Variants in COLEC10 observed in about 807,000 individuals in gnomAD.
COLEC10 encodes collectin subfamily member 10.
Under a neutral mutation model 28.4 loss-of-function variants are expected in COLEC10, and 22 were observed. That is an observed-to-expected ratio of 0.78 (90% CI 0.55 to 1.11). The LOEUF (loss-of-function observed/expected upper bound fraction) is 1.11. Among genes scored for constraint, COLEC10 ranks in the 50% least tolerant of loss-of-function variants. COLEC10 has a pLI of 0.00. For missense variants in COLEC10, 361 were observed against 344.1 expected, an observed-to-expected ratio of 1.05 and a Z score of -0.39; for synonymous variants, 125 against 116.1, an observed-to-expected ratio of 1.08 and a Z score of -0.49.
intron 4 of COLEC10, among the ~76,000 whole-genome samples, chr8:119,103,408 A>G (rs1022614728): frequency 6.6e-6 from 1 of 152,198 alleles, no homozygotes; most frequent in Non-Finnish European, 1.5e-5. Flanking sequence ...TAATGCAATA[A>G]CACAAGAGAA....
chr8:119,039,565 A>G (rs1285719558), intron 2 of COLEC10, among the ~76,000 whole-genome samples: 1 of 152,198 alleles, frequency 6.6e-6, no homozygotes, highest in Admixed American at 6.5e-5. Flanking sequence ...GTGGAATGGT[A>G]TTAGTTTCTT....
chr8:119,000,911 C>G (rs1813684961), intron 1 of COLEC10, among the ~76,000 whole-genome samples: 1 of 139,614 alleles, frequency 7.2e-6, no homozygotes, highest in Non-Finnish European at 1.5e-5. Flanking sequence ...ATGATAAAGT[C>G]AACCATAAAT....
the COLEC10 span, among the ~76,000 whole-genome samples, chr8:118,977,193 G>A: frequency 2.8e-5 from 4 of 144,214 alleles, no homozygotes; most frequent in East Asian, 2.2e-4. Flanking sequence ...TCAGTGTGGC[G>A]ATTCCTCAGG....
chr8:118,963,218 A>G, the COLEC10 span, among the ~76,000 whole-genome samples: 3 of 152,364 alleles, frequency 2.0e-5, no homozygotes, highest in East Asian at 5.8e-4. Flanking sequence ...TAGAATATCC[A>G]TTAAGTTTAG....
chr8:118,953,041 A>C, the COLEC10 span, among the ~76,000 whole-genome samples: 2 of 152,232 alleles, frequency 1.3e-5, no homozygotes, highest in African/African-American at 4.8e-5. Flanking sequence ...AGGAAGGTGA[A>C]GAATCAGGAG....
At chr8:119,049,328 C>T (rs1050285495) in intron 2 of COLEC10, among the ~76,000 whole-genome samples, 1 of 149,990 alleles carries the variant, frequency 6.7e-6, no homozygotes, top group African/African-American at 2.5e-5. Flanking sequence ...TGTATTACCA[C>T]TAGGGATTAG....
upstream of COLEC10, among the ~76,000 whole-genome samples, chr8:118,994,675 C>T (rs1022237566): frequency 1.3e-5 from 2 of 152,132 alleles, no homozygotes; most frequent in African/African-American, 4.8e-5. Context: ...CTTGTTGATG[C>T]TACTTTTTGC....
chr8:119,064,721 C>T (rs1245831163), upstream of COLEC10, among the ~76,000 whole-genome samples: 2 of 152,084 alleles, frequency 1.3e-5, no homozygotes, highest in African/African-American at 4.8e-5. Flanking sequence ...AATGCATCCT[C>T]AATGCTTGAG....
At chr8:119,081,056 C>T (rs1180482532) in intron 1 of COLEC10, among the ~76,000 whole-genome samples, 1 of 149,622 alleles carries the variant, frequency 6.7e-6, no homozygotes, top group Non-Finnish European at 1.5e-5. Context: ...GTTTTTGCCA[C>T]TACAAACATT....
At chr8:119,102,979 C>T (rs1234101322) in intron 4 of COLEC10, among the ~76,000 whole-genome samples, 3 of 152,040 alleles carry the variant, frequency 2.0e-5, no homozygotes, top group African/African-American at 7.2e-5. Flanking sequence ...CTTCATATTT[C>T]ATATGAATAT....
the COLEC10 span, among the ~76,000 whole-genome samples, chr8:118,958,181 G>A: frequency 2.8e-4 from 43 of 152,126 alleles, no homozygotes; most frequent in Non-Finnish European, 4.9e-4. Flanking sequence ...TTTCATCACC[G>A]CAGTTTCTTC....
intron 2 of COLEC10, among the ~76,000 whole-genome samples, chr8:119,090,357 G>A (rs374132805): frequency 1.1e-4 from 17 of 152,130 alleles, no homozygotes; most frequent in African/African-American, 4.1e-4. Context: ...ATAACTTCTA[G>A]GTTGTGATGT....
At chr8:118,998,411 G>A (rs1204412216) in intron 1 of COLEC10, among the ~76,000 whole-genome samples, 5 of 152,068 alleles carry the variant, frequency 3.3e-5, no homozygotes, top group Non-Finnish European at 7.4e-5. Context: ...ATGTATGGTA[G>A]AGCCATGAAA....
chr8:118,982,614 TG>T, the COLEC10 span: 1 of 195,236 alleles, frequency 5.1e-6, no homozygotes, highest in Admixed American at 4.8e-5. Context: ...ATAGTTAGGC[TG>T]GACTATGGGA....
intron 2 of COLEC10, among the ~76,000 whole-genome samples, chr8:119,010,348 T>A (rs957703574): frequency 6.6e-6 from 1 of 151,000 alleles, no homozygotes; most frequent in Non-Finnish European, 1.5e-5. Flanking sequence ...GATAGCTAAT[T>A]TTTTGGCACA....
At chr8:118,989,370 G>T in the COLEC10 span, among the ~76,000 whole-genome samples, 1 of 152,032 alleles carries the variant, frequency 6.6e-6, no homozygotes, top group South Asian at 2.1e-4. Context: ...AATATCAAAA[G>T]GTGTAATGCC....
At chr8:118,954,074 C>A in the COLEC10 span, among the ~76,000 whole-genome samples, 1 of 152,230 alleles carries the variant, frequency 6.6e-6, no homozygotes, top group African/African-American at 2.4e-5. Context: ...AGATTGTAAG[C>A]TCCTGAGGGC....
At chr8:119,089,568 G>A (rs1815547087) in intron 1 of COLEC10, 112 bp from the exon 2 acceptor site, 1 of 771,314 alleles carries the variant, frequency 1.3e-6, no homozygotes, top group Non-Finnish European at 2.2e-6. Context: ...TGGATTGTGA[G>A]GCAAGCGCTG....
the COLEC10 span, among the ~76,000 whole-genome samples, chr8:118,968,575 ATATATATATGTGTGTATATATATACG>A: frequency 6.6e-6 from 1 of 150,726 alleles, no homozygotes; most frequent in African/African-American, 2.4e-5. Context: ...ATATATATAC[ATATATATATGTGTGTATATATATACG>A]TATATGTATG....
Sources: allele counts gnomAD v4.1 joint callset (sites outside exome capture counted in the v4.1 genomes callset), GRCh38; gene constraint gnomAD v4.1.1; transcripts MANE v1.5; gene names NCBI Gene and HGNC (gene_info 2026-07-23, HGNC 2026-07-21).